Variants in GRHL2 observed in about 807,000 individuals in gnomAD.
GRHL2 encodes the protein grainyhead-like protein 2 homolog.
A neutral mutation model predicts 83.8 loss-of-function variants in GRHL2; 21 were observed. The observed-to-expected ratio is 0.25, with a 90% CI of 0.18 to 0.36. The LOEUF is 0.36. Among genes scored for constraint, GRHL2 ranks in the 10% least tolerant of loss-of-function variants. The pLI, the probability that GRHL2 is intolerant of heterozygous loss-of-function variation, is 1.00. For missense variants in GRHL2, 623 were observed against 781.8 expected, an observed-to-expected ratio of 0.80 and a Z score of 2.42; for synonymous variants, 280 against 278.9, an observed-to-expected ratio of 1.00 and a Z score of -0.04.
Position 101,632,219 on chromosome 8 carries a change from C to T in GRHL2, c.1346-7C>T. On this transcript the variant is annotated splice_polypyrimidine_tract_variant and splice_region_variant and intron_variant, in intron 10 of 15. Coordinates refer to ENST00000646743, the MANE Select transcript of GRHL2 (RefSeq NM_024915.4). ...TCTCATTTATGAGTTTGTGTGATCC[C>T]ATCCAGCCTCTGATGGGAAGTTGGC... is the stretch of plus-strand genomic sequence containing the variant. 1 of 1,613,894 alleles carries T rather than the reference C, an allele frequency of 6.2e-7. No homozygotes were observed. Among genetic ancestry groups the T allele is most frequent in the Non-Finnish European group, 8.5e-7 (1 of 1,179,838 alleles).
chr8:101,552,188 A>AG (rs1811394480), intron 2 of GRHL2, among the ~76,000 whole-genome samples: 2 of 152,286 alleles, frequency 1.3e-5, no homozygotes, highest in South Asian at 2.1e-4. Flanking sequence ...AGGTGGACAA[A>AG]GGGGGGCCCA....
chr8:101,514,575 T>C (rs570292035), intron 1 of GRHL2, among the ~76,000 whole-genome samples: 1 of 152,268 alleles, frequency 6.6e-6, no homozygotes, highest in South Asian at 2.1e-4. Flanking sequence ...TCTGGGTCAG[T>C]ACAACCTCTG....
downstream of GRHL2, among the ~76,000 whole-genome samples, chr8:101,674,209 G>C (rs1814254260): frequency 6.6e-6 from 1 of 151,968 alleles, no homozygotes; most frequent in South Asian, 2.1e-4. Flanking sequence ...ACTGAAATCA[G>C]AACAGAACTG....
In GRHL2 at chr8:101,492,640, A is replaced by G; in HGVS notation, c.-130A>G. 1 of 808,272 alleles carries G rather than the reference A, an allele frequency of 1.2e-6. No homozygotes were observed. The highest frequency in any genetic ancestry group is 2.2e-6 in the Non-Finnish European group (1 of 448,186). The allele number at this position is 808,272 out of a possible 1,614,324, so 50.1% of individuals were successfully genotyped here. A position where few individuals can be genotyped will look rare whatever the true frequency, so the allele number is the denominator to read the frequency against. Reference sequence around the variant, plus strand: ...GAGTGGTGAGGGGGGACGGAAAAGCAGAATTACCTGTAGCTCTTGTTCTGC... The same window carrying G: ...GAGTGGTGAGGGGGGACGGAAAAGCGGAATTACCTGTAGCTCTTGTTCTGC... On this transcript the variant is annotated 5_prime_UTR_variant, in exon 1 of 16. Transcript: ENST00000646743.
chr8:101,572,959 GACAGTATGTAA>G (rs1811857388), intron 5 of GRHL2, among the ~76,000 whole-genome samples: 1 of 152,204 alleles, frequency 6.6e-6, no homozygotes, highest in Non-Finnish European at 1.5e-5. Context: ...AGCAGTCATA[GACAGTATGTAA>G]ACAAATGAGT....
In GRHL2 at chr8:101,558,804, G is replaced by C. The variant is rs1479018939; in HGVS notation, c.670G>C (p.Ala224Pro). The change falls in exon 4 of 16, where the codon GCC (alanine) becomes CCC (proline). Residue 224 changes from alanine (A) to proline (P), a missense_variant. This residue lies in a region of GRHL2 where 239 missense variants were observed against 240.5 expected (regional missense o/e 0.99). Coordinates refer to ENST00000646743, the MANE Select transcript of GRHL2 (RefSeq NM_024915.4). Reference sequence around the variant, plus strand: ...ATACAGCGAGAGCTTCAAGGACGCAGCCACAGAGGTGAGTCCCAGGCTCCA... The same window carrying C: ...ATACAGCGAGAGCTTCAAGGACGCACCCACAGAGGTGAGTCCCAGGCTCCA... ...STYSESFKDA[A>P]TEKFRSASVG... 1 of 1,614,006 alleles carries C rather than the reference G, an allele frequency of 6.2e-7. No individual in the cohort carries two copies. Among genetic ancestry groups the C allele is most frequent in the East Asian group, 2.2e-5 (1 of 44,854 alleles).
At chr8:101,559,698 CTTGT>C (rs1386346096) in intron 4 of GRHL2, among the ~76,000 whole-genome samples, 1 of 152,108 alleles carries the variant, frequency 6.6e-6, no homozygotes, top group African/African-American at 2.4e-5. Context: ...ACTAACTTTG[CTTGT>C]TTATTTTAAA....
At chr8:101,670,137 C>G (rs1208012702), downstream of GRHL2, among the ~76,000 whole-genome samples, 1 of 152,198 alleles carries the variant, frequency 6.6e-6, no homozygotes, top group Non-Finnish European at 1.5e-5. Flanking sequence ...GCTCTAACTC[C>G]AGTTTTCTCA....
intron 14 of GRHL2, 128 bp downstream of exon 14, chr8:101,649,627 A>C (rs1246766216): frequency 8.2e-6 from 6 of 733,844 alleles, no homozygotes; most frequent in African/African-American, 1.7e-5. Context: ...GAAAAACCTA[A>C]GATTTGTGGA....
chr8:101,591,109 C>T (rs1812272088), intron 7 of GRHL2, among the ~76,000 whole-genome samples: 1 of 152,096 alleles, frequency 6.6e-6, no homozygotes, highest in South Asian at 2.1e-4. Flanking sequence ...AACCTATTAA[C>T]AGGCCAGTGA....
At chr8:101,526,927 C>T (rs533549349) in intron 1 of GRHL2, among the ~76,000 whole-genome samples, 17 of 152,148 alleles carry the variant, frequency 1.1e-4, no homozygotes, top group South Asian at 2.1e-4. Flanking sequence ...GAAACTAGCA[C>T]GTATTTGCTT....
rs1455812059 is a variant in GRHL2, at chr8:101,601,257, A to G, written c.1098+2106A>G. Among the ~76,000 whole-genome samples, 9 of 152,208 alleles carry G rather than the reference A, an allele frequency of 5.9e-5. No individual in the cohort carries two copies. In the South Asian group the frequency reaches 1.2e-3, roughly 21 times the overall value. ...ACAAATGTTAAGGCAAGCTATAACT[A>G]TGAGCTGTAATCATTACCATAATTT... On this transcript the variant is annotated intron_variant, in intron 8 of 15. Coordinates refer to ENST00000646743, the MANE Select transcript of GRHL2 (RefSeq NM_024915.4).
At chr8:101,569,396 T>C (rs1248975607) in intron 4 of GRHL2, among the ~76,000 whole-genome samples, 1 of 152,206 alleles carries the variant, frequency 6.6e-6, no homozygotes, top group African/African-American at 2.4e-5. Context: ...GTCAAATTAT[T>C]ACTTTATAAT....
rs968318423 is a variant in GRHL2 at position 101,521,616 on chromosome 8, C to A, written c.21-21625C>A. Among the ~76,000 whole-genome samples the A allele has an allele frequency of 2.6e-5, 4 of 152,162 alleles. No individual in the cohort carries two copies. The East Asian group carries it at 7.7e-4, about 29-fold the overall frequency. ...CAGTACTCAAAGCAGTACCAGCTCACAGTAGGTGCTCAGTTAAGACCTGTC... is the reference window on the plus strand; with the variant it reads ...CAGTACTCAAAGCAGTACCAGCTCAAAGTAGGTGCTCAGTTAAGACCTGTC... On this transcript the variant is annotated intron_variant, in intron 1 of 15. Coordinates refer to ENST00000646743, the MANE Select transcript of GRHL2 (RefSeq NM_024915.4).
At position 101,573,649 on chromosome 8, in the gene GRHL2, T is replaced by C; in HGVS notation, c.735-19T>C. The C allele has an allele frequency of 6.2e-7, 1 of 1,614,148 alleles. No homozygotes were observed. The highest frequency in any genetic ancestry group is 8.5e-7 in the Non-Finnish European group (1 of 1,180,006). ...TGTCCAAGTGAGTGGATCTGACCGC[T>C]GTTTGTTTTCTTTCACAGTGGCACA... On this transcript the variant is annotated intron_variant, in intron 5 of 15. Transcript: ENST00000646743.
At chr8:101,510,171 A>AT (rs1810434513) in intron 1 of GRHL2, among the ~76,000 whole-genome samples, 1 of 151,882 alleles carries the variant, frequency 6.6e-6, no homozygotes, top group African/African-American at 2.4e-5. Context: ...TGAATTTTGT[A>AT]TTTTTTGTAG....
chr8:101,579,954 T>TA (rs1812016416), intron 7 of GRHL2, among the ~76,000 whole-genome samples: 1 of 152,136 alleles, frequency 6.6e-6, no homozygotes, highest in African/African-American at 2.4e-5. Context: ...TCTAATGGCC[T>TA]AAAAAATAAA....
rs186525058 is a variant in GRHL2 at position 101,525,245 on chromosome 8, T to A, written c.21-17996T>A. On this transcript the variant is annotated intron_variant, in intron 1 of 15. Coordinates refer to ENST00000646743, the MANE Select transcript of GRHL2 (RefSeq NM_024915.4). ...GGTGTGAGCCACTGTGCCTGGCTAA[T>A]ATATCTTTTTTCATTATTTTTCTCT... 1.2e-3 allele frequency among the ~76,000 whole-genome samples: 184 copies of A among 152,264 alleles called. 1 individual carries two copies. Among genetic ancestry groups the A allele is most frequent in the African/African-American group, 4.4e-3 (181 of 41,566 alleles).
At chr8:101,582,237 C>A (rs74338299) in intron 7 of GRHL2, among the ~76,000 whole-genome samples, 293 of 134,790 alleles carry the variant, frequency 2.2e-3, no homozygotes, top group Middle Eastern at 3.8e-3. Context: ...GACTCCGTCT[C>A]AAAAAAAAAA....
Sources: allele counts gnomAD v4.1 joint callset (sites outside exome capture counted in the v4.1 genomes callset), GRCh38; gene constraint gnomAD v4.1.1; regional missense constraint gnomAD v4.1.1; transcripts MANE v1.5; gene names NCBI Gene and HGNC (gene_info 2026-07-23, HGNC 2026-07-21).